Variants in KCND2 observed in about 807,000 individuals in gnomAD.
KCND2 encodes the protein A-type voltage-gated potassium channel KCND2.
Under a neutral mutation model 54.4 loss-of-function variants are expected in KCND2, and 16 were observed. The ratio of observed to expected loss-of-function variants is 0.29; its 90% CI spans 0.20 to 0.45. The LOEUF is 0.45. KCND2 is among the 20% of genes least tolerant of loss of function. The probability of loss-of-function intolerance (pLI) is 1.00; values close to 1 mark genes in which losing one functional copy is unlikely to be tolerated. For missense variants in KCND2, 486 were observed against 824.2 expected, an observed-to-expected ratio of 0.59 and a Z score of 5.02; for synonymous variants, 317 against 310.7, an observed-to-expected ratio of 1.02 and a Z score of -0.21.
At chr7:120,382,538 G>T (rs1800929558) in intron 1 of KCND2, among the ~76,000 whole-genome samples, 2 of 151,618 alleles carry the variant, frequency 1.3e-5, no homozygotes, top group Non-Finnish European at 3.0e-5. Context: ...TTTTACTTTA[G>T]AGCAGAACAG....
chr7:120,413,692 C>A (rs1281079349), intron 1 of KCND2, among the ~76,000 whole-genome samples: 1 of 151,834 alleles, frequency 6.6e-6, no homozygotes, highest in Non-Finnish European at 1.5e-5. Flanking sequence ...TATAAAAAAA[C>A]ACCAAAAAAA....
At chr7:120,420,123 C>T (rs1311681356) in intron 1 of KCND2, among the ~76,000 whole-genome samples, 1 of 151,702 alleles carries the variant, frequency 6.6e-6, no homozygotes, top group Non-Finnish European at 1.5e-5. Flanking sequence ...AAGTGAGGTA[C>T]ATTTGTGTTG....
rs73722545 is a variant in KCND2, at chr7:120,279,119, T to C, written c.1115+3372T>C. ...TTTCATTTAGATTGTAGTACTCAAA[T>C]CTTGCTAAACTTAGGAAATTTCCAA... is the stretch of plus-strand genomic sequence containing the variant. On this transcript the variant is annotated intron_variant, in intron 1 of 5. Coordinates refer to ENST00000331113, the MANE Select transcript of KCND2 (RefSeq NM_012281.3). Among the ~76,000 whole-genome samples the C allele has an allele frequency of 4.8e-3, 730 of 152,098 alleles. 8 individuals are homozygous for C. The highest frequency in any genetic ancestry group is 0.017 in the African/African-American group (694 of 41,554).
At chr7:120,567,582 C>T (rs1275810622) in intron 1 of KCND2, among the ~76,000 whole-genome samples, 2 of 152,100 alleles carry the variant, frequency 1.3e-5, no homozygotes. Context: ...TCTGCAATCA[C>T]CTATTTTTAT....
intron 1 of KCND2, among the ~76,000 whole-genome samples, chr7:120,537,963 A>G (rs1237557063): frequency 6.6e-6 from 1 of 152,226 alleles, no homozygotes; most frequent in East Asian, 1.9e-4. Context: ...AGCACTTTTA[A>G]TTTTCTTCAG....
At chr7:120,297,212 T>G (rs1382778500) in intron 1 of KCND2, among the ~76,000 whole-genome samples, 1 of 152,084 alleles carries the variant, frequency 6.6e-6, no homozygotes, top group Non-Finnish European at 1.5e-5. Flanking sequence ...TCCAAATGTC[T>G]GTCCAATGAG....
At chr7:120,453,493 C>T (rs920261922) in intron 1 of KCND2, among the ~76,000 whole-genome samples, 1 of 152,180 alleles carries the variant, frequency 6.6e-6, no homozygotes, top group Non-Finnish European at 1.5e-5. Context: ...GCCACTGCCA[C>T]CATTGCGAAT....
At chr7:120,295,659 A>G (rs1354790232) in intron 1 of KCND2, among the ~76,000 whole-genome samples, 1 of 152,024 alleles carries the variant, frequency 6.6e-6, no homozygotes, top group Non-Finnish European at 1.5e-5. Context: ...GAATATTTTT[A>G]GCCATAATAT....
chr7:120,353,429 T>C (rs933777381), intron 1 of KCND2, among the ~76,000 whole-genome samples: 8 of 152,034 alleles, frequency 5.3e-5, no homozygotes, highest in African/African-American at 1.9e-4. Flanking sequence ...GAAATGAAAA[T>C]ATGTAAGAGA....
intron 1 of KCND2, among the ~76,000 whole-genome samples, chr7:120,298,566 T>C (rs1392479031): frequency 6.6e-6 from 1 of 152,196 alleles, no homozygotes; most frequent in African/African-American, 2.4e-5. Flanking sequence ...GCTAATAATC[T>C]CTAAAAATAA....
At chr7:120,483,703 A>G (rs1050601186) in intron 1 of KCND2, among the ~76,000 whole-genome samples, 3 of 152,170 alleles carry the variant, frequency 2.0e-5, no homozygotes, top group African/African-American at 7.2e-5. Flanking sequence ...GAGATGTTTA[A>G]TAGGGTAAAG....
At chr7:120,473,427 T>C (rs1376917590) in intron 1 of KCND2, among the ~76,000 whole-genome samples, 1 of 151,724 alleles carries the variant, frequency 6.6e-6, no homozygotes, top group Non-Finnish European at 1.5e-5. Flanking sequence ...ACTGAAGGGG[T>C]TTCCTCCATG....
chr7:120,675,320 C>G (rs1226621120), intron 1 of KCND2, among the ~76,000 whole-genome samples: 1 of 152,062 alleles, frequency 6.6e-6, no homozygotes, highest in East Asian at 1.9e-4. Flanking sequence ...GTAATCTCTG[C>G]CCCCTGGGTT....
chr7:120,380,796 T>G (rs1800906966), intron 1 of KCND2, among the ~76,000 whole-genome samples: 1 of 152,086 alleles, frequency 6.6e-6, no homozygotes. Flanking sequence ...TGAGCCTGCA[T>G]TCTACCCTAT....
chr7:120,357,018 A>T (rs1337271740), intron 1 of KCND2, among the ~76,000 whole-genome samples: 1 of 152,054 alleles, frequency 6.6e-6, no homozygotes, highest in Non-Finnish European at 1.5e-5. Flanking sequence ...GTTTTCCCAT[A>T]GTAAGCTCTT....
rs540651859 is a variant in KCND2, at chr7:120,359,723, A to G, written c.1115+83976A>G. ...ATAGTTGGGCTCTGTGTCCCCACCC[A>G]AATTTCATTTTGAATTGTAATCCCC... On this transcript the variant is annotated intron_variant, in intron 1 of 5. Transcript: ENST00000331113. 1.1e-4 allele frequency among the ~76,000 whole-genome samples: 17 copies of G among 152,186 alleles called. No individual in the cohort carries two copies. In the South Asian group the frequency reaches 3.5e-3, roughly 32 times the overall value.
chr7:120,414,774 T>C (rs76435653), intron 1 of KCND2, among the ~76,000 whole-genome samples: 4,503 of 151,844 alleles, frequency 0.03, 190 homozygotes, highest in African/African-American at 0.1. Context: ...CTTAGTTTGA[T>C]TGTTGAAATA....
intron 1 of KCND2, among the ~76,000 whole-genome samples, chr7:120,425,070 A>G (rs1801684799): frequency 6.6e-6 from 1 of 152,212 alleles, no homozygotes; most frequent in Non-Finnish European, 1.5e-5. Context: ...TCTTTTTCAA[A>G]GGGGTACATG....
intron 1 of KCND2, among the ~76,000 whole-genome samples, chr7:120,353,005 A>G (rs986055119): frequency 1.3e-5 from 2 of 152,126 alleles, no homozygotes; most frequent in Non-Finnish European, 2.9e-5. Context: ...ACAAAATAAT[A>G]ATCAGTAATA....
Sources: gnomAD v4.1 joint callset for allele counts (sites outside exome capture counted in the v4.1 genomes callset) on GRCh38, gnomAD v4.1.1 for gene constraint, MANE v1.5 for transcripts, NCBI Gene and HGNC (gene_info 2026-07-23, HGNC 2026-07-21) for gene names.